Variants in MAST4 observed in about 807,000 individuals in gnomAD.
MAST4 encodes microtubule associated serine/threonine kinase family member 4, also known as microtubule-associated serine/threonine-protein kinase 4.
MAST4 carries 89 observed loss-of-function variants against 162.7 expected under a neutral mutation model. That is an observed-to-expected ratio of 0.55 (90% CI 0.46 to 0.65). The LOEUF is 0.65. Ranked by LOEUF, MAST4 falls within the 30% of genes least tolerant of loss-of-function variation. The pLI, the probability that MAST4 is intolerant of heterozygous loss-of-function variation, is 0.00. For missense variants in MAST4, 3,153 were observed against 3,374.0 expected (o/e 0.93, Z 1.62); for synonymous variants, 1,479 against 1,361.1 (o/e 1.09, Z -1.91).
intron 24 of MAST4, among the ~76,000 whole-genome samples, chr5:67,151,756 C>T (rs910995746): frequency 4.7e-4 from 63 of 133,678 alleles, no homozygotes; most frequent in African/African-American, 4.5e-4. Context: ...TTTTTTTTTT[C>T]TTCTTTTTTT....
chr5:67,155,590 G>T (rs1263682947), intron 26 of MAST4, among the ~76,000 whole-genome samples: 1 of 152,084 alleles, frequency 6.6e-6, no homozygotes, highest in East Asian at 1.9e-4. Context: ...CAATGCATAG[G>T]AGAAGCCGTA....
At chr5:66,692,411 C>CTTT (rs34946179) in intron 1 of MAST4, among the ~76,000 whole-genome samples, 2 of 145,420 alleles carry the variant, frequency 1.4e-5, no homozygotes, top group Non-Finnish European at 3.0e-5. Flanking sequence ...CTCTTGCTCT[C>CTTT]TTTTTTTTTT....
chr5:67,068,016 A>G (rs1469934040), intron 5 of MAST4, among the ~76,000 whole-genome samples: 1 of 152,194 alleles, frequency 6.6e-6, no homozygotes, highest in Non-Finnish European at 1.5e-5. Context: ...ACTTGCTGGT[A>G]TCTGACCCAG....
intron 21 of MAST4, among the ~76,000 whole-genome samples, chr5:67,144,465 C>T (rs1230548347): frequency 3.2e-5 from 1 of 31,740 alleles, no homozygotes; most frequent in East Asian, 1.7e-3. Context: ...TGTACACACA[C>T]ACACACACAC....
intron 2 of MAST4, among the ~76,000 whole-genome samples, chr5:66,766,158 C>T (rs544317809): frequency 6.6e-6 from 1 of 152,282 alleles, no homozygotes; most frequent in South Asian, 2.1e-4. Flanking sequence ...ATCCTGGCTT[C>T]TTGATATGCA....
chr5:66,607,099 A>G (rs1349238710), intron 1 of MAST4, among the ~76,000 whole-genome samples: 1 of 152,170 alleles, frequency 6.6e-6, no homozygotes, highest in African/African-American at 2.4e-5. Flanking sequence ...GAGGAGGAGA[A>G]TAGTAGGGAG....
At chr5:66,910,783 A>C in intron 4 of MAST4, among the ~76,000 whole-genome samples, 1 of 115,382 alleles carries the variant, frequency 8.7e-6, no homozygotes, top group South Asian at 3.1e-4. Flanking sequence ...ATGGAATCTC[A>C]CTCTGTCACC....
chr5:66,929,198 G>A (rs924947208), intron 4 of MAST4, among the ~76,000 whole-genome samples: 2 of 152,148 alleles, frequency 1.3e-5, no homozygotes, highest in Non-Finnish European at 2.9e-5. Context: ...GAGGCAGAAG[G>A]CCTGAGAACC....
chr5:67,076,141 C>G (rs1761620283), intron 5 of MAST4, among the ~76,000 whole-genome samples: 1 of 152,114 alleles, frequency 6.6e-6, no homozygotes, highest in Non-Finnish European at 1.5e-5. Flanking sequence ...GATTTGATAC[C>G]AGGAACCATT....
intron 1 of MAST4, among the ~76,000 whole-genome samples, chr5:66,711,935 A>G (rs1750522526): frequency 6.6e-6 from 1 of 152,142 alleles, no homozygotes; most frequent in Non-Finnish European, 1.5e-5. Flanking sequence ...TCACACCTGT[A>G]AAGTCTCTTG....
chr5:67,053,632 C>G (rs964568640), intron 4 of MAST4, among the ~76,000 whole-genome samples: 1 of 152,186 alleles, frequency 6.6e-6, no homozygotes, highest in Non-Finnish European at 1.5e-5. Flanking sequence ...TTGTATTTGT[C>G]TTATTCTTTA....
At chr5:66,954,000 C>T (rs1190056059) in intron 4 of MAST4, among the ~76,000 whole-genome samples, 1 of 152,098 alleles carries the variant, frequency 6.6e-6, no homozygotes, top group Non-Finnish European at 1.5e-5. Context: ...TAGCCTTAAA[C>T]CATTCCTCTG....
intron 4 of MAST4, among the ~76,000 whole-genome samples, chr5:66,992,373 A>G (rs959076501): frequency 6.6e-6 from 1 of 152,186 alleles, no homozygotes; most frequent in African/African-American, 2.4e-5. Flanking sequence ...TTCTCTAATG[A>G]AAAGAATTAG....
chr5:66,807,466 G>A lies in MAST4; in HGVS notation c.642+18672G>A, dbSNP rs1161044089. Reference sequence around the variant, plus strand: ...AGCTGAGATTGCGCCACTGCAGTCCGCAGTCCGGCCTGGGCGACAGAGCGA... The same window carrying A: ...AGCTGAGATTGCGCCACTGCAGTCCACAGTCCGGCCTGGGCGACAGAGCGA... On this transcript the variant is annotated intron_variant, in intron 3 of 28. Coordinates refer to ENST00000403625, the MANE Select transcript of MAST4 (RefSeq NM_001164664.2). Among the ~76,000 whole-genome samples, 4 of 149,854 alleles carry A rather than the reference G, an allele frequency of 2.7e-5. No individual in the cohort carries two copies. In the South Asian group the frequency reaches 6.3e-4, roughly 23 times the overall value.
chr5:66,603,259 A>C (rs1164573459), intron 1 of MAST4, among the ~76,000 whole-genome samples: 2 of 152,192 alleles, frequency 1.3e-5, no homozygotes, highest in Non-Finnish European at 2.9e-5. Context: ...ATTGTATATG[A>C]TTCATTAACC....
At chr5:66,635,288 C>T (rs551184592) in intron 1 of MAST4, among the ~76,000 whole-genome samples, 40 of 152,260 alleles carry the variant, frequency 2.6e-4, no homozygotes, top group African/African-American at 8.9e-4. Flanking sequence ...GGTCTGGAAA[C>T]GACACGTTAG....
At chr5:66,890,083 T>C (rs1298853518) in intron 3 of MAST4, among the ~76,000 whole-genome samples, 1 of 152,202 alleles carries the variant, frequency 6.6e-6, no homozygotes, top group African/African-American at 2.4e-5. Flanking sequence ...TCAAAACTAG[T>C]TTCTTTAATT....
chr5:67,131,946 A>T lies in MAST4; in HGVS notation c.2088A>T (p.Pro696=), dbSNP rs772290743. The part of the protein sequence containing the change: ...NYGIVHRDLK[P]DNLLVTSMGH... ...GAATTGTACACAGGGATTTGAAACC[A>T]GACAAGTATGTACACAAATGAAATA... is the stretch of plus-strand genomic sequence containing the variant. Residue 696 remains proline, a synonymous_variant, in exon 16 of 29, where the codon CCA becomes CCT. Transcript: ENST00000403625. The T allele has an allele frequency of 1.7e-4, 269 of 1,612,582 alleles. No individual in the cohort carries two copies. The highest frequency in any genetic ancestry group is 2.2e-4 in the Non-Finnish European group (263 of 1,179,044).
chr5:66,949,809 A>G (rs1375201639), intron 4 of MAST4, among the ~76,000 whole-genome samples: 1 of 152,172 alleles, frequency 6.6e-6, no homozygotes, highest in African/African-American at 2.4e-5. Flanking sequence ...GGTTTAACAA[A>G]AAGTTACTGA....
Sources: gnomAD v4.1 joint callset for allele counts (sites outside exome capture counted in the v4.1 genomes callset) on GRCh38, gnomAD v4.1.1 for gene constraint, MANE v1.5 for transcripts, NCBI Gene and HGNC (gene_info 2026-07-23, HGNC 2026-07-21) for gene names.